The following GEMIN2 variants were observed in gnomAD, a reference collection of about 807,000 sequenced individuals.
GEMIN2 encodes the protein gem nuclear organelle associated protein 2.
GEMIN2 carries 37 observed loss-of-function variants against 45.8 expected under a neutral mutation model. The observed-to-expected ratio is 0.81, with a 90% CI of 0.62 to 1.06. GEMIN2 has a LOEUF of 1.06. Ranked by LOEUF, GEMIN2 falls within the 50% of genes least tolerant of loss-of-function variation. The pLI is 0.00. For missense variants in GEMIN2, 335 were observed against 321.8 expected (o/e 1.04, Z -0.31); for synonymous variants, 101 against 111.5 (o/e 0.91, Z 0.60).
intron 4 of GEMIN2, chr14:39,121,879 A>T (rs759436841): frequency 0.2 from 30,592 of 155,246 alleles, 3,623 homozygotes; most frequent in Middle Eastern, 0.34. Context: ...CATCCGGCTA[A>T]TTTTTTTTTT....
intron 5 of GEMIN2, among the ~76,000 whole-genome samples, chr14:39,123,986 TG>T (rs2052609908): frequency 6.7e-6 from 1 of 148,206 alleles, no homozygotes; most frequent in South Asian, 2.1e-4. Context: ...CTGAAACTCC[TG>T]GGCTCAGGCA....
chr14:39,129,026 A>G (rs1358855520), intron 7 of GEMIN2, among the ~76,000 whole-genome samples: 1 of 152,190 alleles, frequency 6.6e-6, no homozygotes, highest in Non-Finnish European at 1.5e-5. Flanking sequence ...CTGAGGCAGG[A>G]GGATCACCTA....
intron 9 of GEMIN2, 67 bp downstream of exon 9, chr14:39,133,786 A>G (rs2139360874): frequency 1.1e-6 from 1 of 918,946 alleles, no homozygotes; most frequent in Non-Finnish European, 1.6e-6. Context: ...CGTATTTATT[A>G]CATTTGGTTT....
chr14:39,131,596 A>G (rs56225465), intron 7 of GEMIN2, among the ~76,000 whole-genome samples: 7,113 of 152,280 alleles, frequency 0.047, 218 homozygotes, highest in Non-Finnish European at 0.069. Flanking sequence ...AATGATTTCT[A>G]TATCTGTCCA....
rs146781757 is a variant in GEMIN2, at chr14:39,121,708, T to TTTTG, written c.373-706_373-703dup. Among the ~76,000 whole-genome samples the TTTTG allele has an allele frequency of 2.6e-5, 4 of 152,100 alleles. No homozygotes were observed. In the East Asian group the frequency reaches 5.8e-4, roughly 22 times the overall value. ...CAAGGTGGCAGCAAGGTTGGTCTCT[T>TTTTG]TTTGTTTGTTTGTTTGTTTTTTGAG... On this transcript the variant is annotated intron_variant, in intron 4 of 9. Coordinates refer to ENST00000308317, the MANE Select transcript of GEMIN2 (RefSeq NM_003616.3).
Position 39,132,181 on chromosome 14 carries a change from G to A in GEMIN2, c.711+113G>A, listed in dbSNP as rs1014448897. On this transcript the variant is annotated intron_variant, in intron 8 of 9. Transcript: ENST00000308317. ...TGGAATATTTTATTGGTGGCAATTA[G>A]ATTTGTAAAGCCCAAAATAATAGTA... The A allele has an allele frequency of 2.6e-5, 17 of 664,746 alleles. No individual in the cohort carries two copies. In the African/African-American group the frequency reaches 3.1e-4, roughly 12 times the overall value. The allele number at this position is 664,746 out of a possible 1,614,324, so 41.2% of individuals were successfully genotyped here. A position where few individuals can be genotyped will look rare whatever the true frequency, so the allele number is the denominator to read the frequency against.
chr14:39,114,527 G>A (rs45469795), intron 1 of GEMIN2, 52 bp downstream of exon 1: 17 of 1,368,840 alleles, frequency 1.2e-5, no homozygotes, highest in Non-Finnish European at 1.8e-5. Context: ...CTGCCCCTGG[G>A]TACAGCCCTC....
intron 5 of GEMIN2, among the ~76,000 whole-genome samples, chr14:39,124,714 A>G (rs993288454): frequency 2.0e-5 from 3 of 152,170 alleles, no homozygotes; most frequent in Non-Finnish European, 2.9e-5. Flanking sequence ...CAGAGGTTGC[A>G]GTGAGCCAAG....
chr14:39,114,793 G>T (rs45531031), intron 1 of GEMIN2, 36 bp from the exon 2 acceptor site: 28,832 of 1,159,124 alleles, frequency 0.025, 480 homozygotes, highest in Non-Finnish European at 0.033. Flanking sequence ...AAGCACAACA[G>T]AAATTTAATT....
intron 4 of GEMIN2, 58 bp from the exon 5 acceptor site, chr14:39,122,370 TAC>T: frequency 1.2e-6 from 1 of 825,626 alleles, no homozygotes; most frequent in African/African-American, 1.7e-5. Context: ...TCTTTTTTTT[TAC>T]TGTTCAGTGT....
intron 8 of GEMIN2, among the ~76,000 whole-genome samples, chr14:39,133,310 T>TAC (rs10677581): frequency 0.93 from 136,202 of 146,914 alleles, 63,234 homozygotes; most frequent in East Asian, 0.95. Context: ...ACATATATAA[T>TAC]ATATATGAAT....
intron 6 of GEMIN2, 107 bp from the exon 7 acceptor site, chr14:39,128,173 C>A: frequency 1.5e-6 from 1 of 673,756 alleles, no homozygotes; most frequent in Non-Finnish European, 2.6e-6. Context: ...AGAATGAGGC[C>A]ATTTTTAACA....
intron 9 of GEMIN2, 88 bp from the exon 10 acceptor site, chr14:39,136,352 C>G: frequency 1.4e-6 from 1 of 725,360 alleles, no homozygotes; most frequent in South Asian, 1.6e-5. Context: ...TATTGATGGA[C>G]GTTTGGGTTG....
In GEMIN2 at chr14:39,114,362, C is replaced by A; in HGVS notation, c.24C>A (p.Ser8=). The change falls in exon 1 of 10, where the codon TCC becomes TCA. Residue 8 remains serine, a synonymous_variant. Coordinates refer to ENST00000308317, the MANE Select transcript of GEMIN2 (RefSeq NM_003616.3). MAWVPAE[S]AVEELMPRLL... Reference sequence around the variant, plus strand: ...CCATGGCGTGGGTACCAGCGGAGTCCGCAGTGGAAGAGTTGATGCCTCGGC... The same window carrying A: ...CCATGGCGTGGGTACCAGCGGAGTCAGCAGTGGAAGAGTTGATGCCTCGGC... 1.2e-6 allele frequency: 2 copies of A among 1,613,790 alleles called. No homozygotes were observed. The highest frequency in any genetic ancestry group is 8.5e-7 in the Non-Finnish European group (1 of 1,179,680).
intron 2 of GEMIN2, among the ~76,000 whole-genome samples, chr14:39,116,190 C>T (rs2052503889): frequency 6.6e-6 from 1 of 151,684 alleles, no homozygotes; most frequent in Non-Finnish European, 1.5e-5. Flanking sequence ...CGTGTGCCAC[C>T]ACACCTGACT....
intron 2 of GEMIN2, among the ~76,000 whole-genome samples, chr14:39,117,751 T>TC (rs1219027682): frequency 2.3e-4 from 35 of 152,344 alleles, no homozygotes; most frequent in African/African-American, 8.2e-4. Context: ...TCATAGAAAC[T>TC]CCAACTATAA....
chr14:39,117,024 G>C (rs1566529437), intron 2 of GEMIN2, among the ~76,000 whole-genome samples: 1 of 152,198 alleles, frequency 6.6e-6, no homozygotes, highest in African/African-American at 2.4e-5. Context: ...TGTAATCCCA[G>C]CACTTTGGGA....
rs117041254 is a variant in GEMIN2 at position 39,135,932 on chromosome 14, A to G, written c.771-508A>G. 4.3e-3 allele frequency among the ~76,000 whole-genome samples: 647 copies of G among 152,152 alleles called. 5 individuals are homozygous for G. The highest frequency in any genetic ancestry group is 5.1e-3 in the Non-Finnish European group (346 of 67,998). The stretch of plus-strand genomic sequence containing the variant: ...TCATTCATTGTTTCTTTTTAAAAGT[A>G]TAAGTAGGCCGCATGTGGTGGCTCA... On this transcript the variant is annotated intron_variant, in intron 9 of 9. Coordinates refer to ENST00000308317, the MANE Select transcript of GEMIN2 (RefSeq NM_003616.3).
intron 6 of GEMIN2, among the ~76,000 whole-genome samples, chr14:39,126,852 A>G (rs1290037244): frequency 1.3e-5 from 2 of 151,528 alleles, no homozygotes; most frequent in African/African-American, 4.9e-5. Context: ...TGCAACCTCC[A>G]CCTCCCAGGT....
Sources: gnomAD v4.1 joint callset for allele counts (sites outside exome capture counted in the v4.1 genomes callset) on GRCh38, gnomAD v4.1.1 for gene constraint, MANE v1.5 for transcripts, NCBI Gene and HGNC (gene_info 2026-07-23, HGNC 2026-07-21) for gene names.